The following AGBL4 variants were observed in gnomAD, a reference collection of about 807,000 sequenced individuals.
AGBL4 encodes the protein cytosolic carboxypeptidase 6.
Under a neutral mutation model 66.4 loss-of-function variants are expected in AGBL4, and 58 were observed. That is an observed-to-expected ratio of 0.87 (90% CI 0.71 to 1.09). The LOEUF is 1.09. AGBL4 is among the 50% of genes least tolerant of loss of function. The pLI, the probability that AGBL4 is intolerant of heterozygous loss-of-function variation, is 0.00. For missense variants in AGBL4, 579 were observed against 631.0 expected, an observed-to-expected ratio of 0.92 and a Z score of 0.88; for synonymous variants, 234 against 222.9, an observed-to-expected ratio of 1.05 and a Z score of -0.44.
chr1:48,854,934 T>G (rs916906950), intron 6 of AGBL4, among the ~76,000 whole-genome samples: 2 of 152,336 alleles, frequency 1.3e-5, no homozygotes, highest in Non-Finnish European at 2.9e-5. Context: ...GATTGGGTCC[T>G]TTGAGCCCTG....
intron 2 of AGBL4, among the ~76,000 whole-genome samples, chr1:49,808,397 T>G (rs571644907): frequency 6.6e-6 from 1 of 152,304 alleles, no homozygotes; most frequent in East Asian, 1.9e-4. Flanking sequence ...CAAACTTTGA[T>G]GCACACTGAC....
At chr1:49,322,853 C>A (rs1645155513) in intron 3 of AGBL4, among the ~76,000 whole-genome samples, 1 of 152,154 alleles carries the variant, frequency 6.6e-6, no homozygotes, top group African/African-American at 2.4e-5. Context: ...AAAACTAAAT[C>A]AATCAGTAAT....
chr1:49,776,446 G>A (rs1644199311), intron 2 of AGBL4, among the ~76,000 whole-genome samples: 1 of 152,040 alleles, frequency 6.6e-6, no homozygotes, highest in East Asian at 1.9e-4. Context: ...AAATAATCCA[G>A]AATCTTTAAC....
At chr1:49,398,409 G>A (rs1645017600) in intron 3 of AGBL4, among the ~76,000 whole-genome samples, 1 of 151,042 alleles carries the variant, frequency 6.6e-6, no homozygotes, top group African/African-American at 2.4e-5. Flanking sequence ...ACTTACAGCA[G>A]CATTCAGCCC....
intron 11 of AGBL4, among the ~76,000 whole-genome samples, chr1:48,542,368 T>C (rs1644088479): frequency 3.3e-5 from 5 of 152,322 alleles, no homozygotes; most frequent in South Asian, 4.1e-4. Context: ...GTAATGCGAT[T>C]GCTGGATCAA....
rs77249409 is a variant in AGBL4, at chr1:49,676,921, A to G, written c.282+20392T>C. On this transcript the variant is annotated intron_variant, in intron 3 of 13. Transcript: ENST00000371839. Reference sequence around the variant, plus strand: ...CAAAGGATGTATAAGCCAAGAGATTAAGGGAATCATTTAAGAATGCCTAGT... The same window carrying G: ...CAAAGGATGTATAAGCCAAGAGATTGAGGGAATCATTTAAGAATGCCTAGT... Among the ~76,000 whole-genome samples the G allele has an allele frequency of 5.7e-3, 874 of 152,242 alleles. 11 individuals are homozygous for G. The highest frequency in any genetic ancestry group is 0.02 in the African/African-American group (834 of 41,568).
chr1:49,931,466 T>TA (rs1378480450), intron 1 of AGBL4, among the ~76,000 whole-genome samples: 1 of 152,066 alleles, frequency 6.6e-6, no homozygotes, highest in African/African-American at 2.4e-5. Flanking sequence ...AGGCACATCT[T>TA]ACATGGTAGC....
At chr1:48,549,005 C>A (rs1644209912) in intron 11 of AGBL4, among the ~76,000 whole-genome samples, 1 of 152,162 alleles carries the variant, frequency 6.6e-6, no homozygotes, top group East Asian at 1.9e-4. Context: ...TCATAAAGGT[C>A]TTTTCTTGCC....
rs139140112 is a variant in AGBL4, at chr1:49,578,069, G to A, written c.282+119244C>T. ...AGGTCTTAGTTCCAGAGGGAGGAAC[G>A]CTGCCACCAGGAGGCACAACAACAA... On this transcript the variant is annotated intron_variant, in intron 3 of 13. Coordinates refer to ENST00000371839, the MANE Select transcript of AGBL4 (RefSeq NM_032785.4). Among the ~76,000 whole-genome samples the A allele has an allele frequency of 5.1e-4, 78 of 152,212 alleles. No individual in the cohort carries two copies. In the East Asian group the frequency reaches 0.012, roughly 24 times the overall value.
At chr1:48,835,002 A>T (rs1265049830) in intron 6 of AGBL4, among the ~76,000 whole-genome samples, 1 of 152,132 alleles carries the variant, frequency 6.6e-6, no homozygotes, top group East Asian at 1.9e-4. Flanking sequence ...TGAGGTTTCA[A>T]ACAAATGCCT....
chr1:49,190,930 C>T (rs1647106708), intron 4 of AGBL4, among the ~76,000 whole-genome samples: 1 of 152,118 alleles, frequency 6.6e-6, no homozygotes, highest in African/African-American at 2.4e-5. Context: ...GAATTAATGT[C>T]AAGGAAAATG....
intron 1 of AGBL4, among the ~76,000 whole-genome samples, chr1:49,961,909 C>T (rs1413710537): frequency 6.6e-6 from 1 of 152,046 alleles, no homozygotes; most frequent in Non-Finnish European, 1.5e-5. Flanking sequence ...TGTTAAAAAT[C>T]AACACTAACC....
At chr1:49,672,481 C>T (rs1646497123) in intron 3 of AGBL4, among the ~76,000 whole-genome samples, 1 of 151,432 alleles carries the variant, frequency 6.6e-6, no homozygotes, top group African/African-American at 2.4e-5. Context: ...ACATATACCT[C>T]CAAACCTAAA....
chr1:49,975,265 G>A (rs552670453), intron 1 of AGBL4, among the ~76,000 whole-genome samples: 148 of 152,180 alleles, frequency 9.7e-4, no homozygotes, highest in Non-Finnish European at 1.7e-3. Context: ...AGTACTGTTG[G>A]GTATAATGAA....
chr1:48,962,135 A>ATCCATCCATCCG lies in AGBL4; in HGVS notation c.594+83448_594+83449insCGGATGGATGGA, dbSNP rs562524505. Among the ~76,000 whole-genome samples the ATCCATCCATCCG allele has an allele frequency of 1.5e-3, 221 of 151,310 alleles. 1 individual carries two copies. Among genetic ancestry groups the ATCCATCCATCCG allele is most frequent in the African/African-American group, 5.0e-3 (204 of 40,792 alleles). ...CATCCATCCATCCATCCGTCCATCC[A>ATCCATCCATCCG]TCCATCATCCATCCAACAGGTATTT... is the stretch of plus-strand genomic sequence containing the variant. On this transcript the variant is annotated intron_variant, in intron 5 of 13. Transcript: ENST00000371839.
intron 6 of AGBL4, among the ~76,000 whole-genome samples, chr1:48,792,015 C>T (rs1241186800): frequency 6.6e-6 from 1 of 152,162 alleles, no homozygotes; most frequent in Non-Finnish European, 1.5e-5. Context: ...GCAGTCCTAA[C>T]CCCCAGAATT....
At chr1:49,715,546 T>C (rs761203385) in intron 2 of AGBL4, among the ~76,000 whole-genome samples, 1 of 152,188 alleles carries the variant, frequency 6.6e-6, no homozygotes, top group Non-Finnish European at 1.5e-5. Flanking sequence ...CCACACTGTC[T>C]TCCACAATGG....
At chr1:49,232,406 T>A (rs1650384717) in intron 4 of AGBL4, among the ~76,000 whole-genome samples, 1 of 151,972 alleles carries the variant, frequency 6.6e-6, no homozygotes, top group Non-Finnish European at 1.5e-5. Context: ...ATAAAAGGAC[T>A]ACAGAAAGTT....
At chr1:49,710,240 C>T (rs1647544282) in intron 2 of AGBL4, among the ~76,000 whole-genome samples, 3 of 152,146 alleles carry the variant, frequency 2.0e-5, no homozygotes, top group African/African-American at 7.2e-5. Context: ...CACATATACA[C>T]CATGGAATAC....
Sources: allele counts gnomAD v4.1 joint callset (sites outside exome capture counted in the v4.1 genomes callset), GRCh38; gene constraint gnomAD v4.1.1; transcripts MANE v1.5; gene names NCBI Gene and HGNC (gene_info 2026-07-23, HGNC 2026-07-21).